MYMX: variants seen among roughly 807,000 people sequenced by gnomAD.
MYMX encodes the protein protein myomixer.
chr6:44,199,358 C>T, the MYMX span, among the ~76,000 whole-genome samples: 6 of 151,066 alleles, frequency 4.0e-5, no homozygotes, highest in Non-Finnish European at 7.4e-5. Context: ...CACTGTGCCC[C>T]CTAATTTTCT....
At chr6:44,216,579 G>A (rs1775875192), upstream of MYMX, among the ~76,000 whole-genome samples, 1 of 148,982 alleles carries the variant, frequency 6.7e-6, no homozygotes, top group African/African-American at 2.5e-5. Context: ...TTGAACCCAG[G>A]AGGCAGAGGT....
At position 44,217,854 on chromosome 6, in the gene MYMX, G is replaced by C; in HGVS notation, c.*128G>C. ...TATAGTGAGGGTTGTGCATGAGAGG[G>C]ATCTGCCACAGACATGCCTCTCCAC... is the stretch of plus-strand genomic sequence containing the variant. On this transcript the variant is annotated 3_prime_UTR_variant, in exon 2 of 2. Transcript: ENST00000573382. 2.5e-6 allele frequency: 1 copy of C among 399,586 alleles called. No homozygotes were observed. Among genetic ancestry groups the C allele is most frequent in the Non-Finnish European group, 4.4e-6 (1 of 226,218 alleles). The allele number at this position is 399,586 out of a possible 1,614,324, so 24.8% of individuals were successfully genotyped here. A position where few individuals can be genotyped will look rare whatever the true frequency, so the allele number is the denominator to read the frequency against.
chr6:44,201,527 C>CA, the MYMX span, among the ~76,000 whole-genome samples: 156 of 152,262 alleles, frequency 1.0e-3, no homozygotes, highest in African/African-American at 3.6e-3. Context: ...GACAACAGGC[C>CA]AGTGAAACAT....
At chr6:44,198,516 T>C in the MYMX span, among the ~76,000 whole-genome samples, 10 of 151,198 alleles carry the variant, frequency 6.6e-5, no homozygotes, top group African/African-American at 2.4e-4. Context: ...TTTATTTACT[T>C]ATTTATTTTT....
the MYMX span, among the ~76,000 whole-genome samples, chr6:44,211,385 G>A: frequency 1.3e-5 from 2 of 152,056 alleles, no homozygotes; most frequent in Non-Finnish European, 2.9e-5. Context: ...AATTTTTGGG[G>A]GGTAAAGGAA....
At chr6:44,195,097 C>A in the MYMX span, among the ~76,000 whole-genome samples, 2 of 152,174 alleles carry the variant, frequency 1.3e-5, no homozygotes, top group East Asian at 3.9e-4. Context: ...CTCATTGCAA[C>A]CTCCTCCGCC....
chr6:44,203,358 A>G, the MYMX span, among the ~76,000 whole-genome samples: 5 of 152,346 alleles, frequency 3.3e-5, no homozygotes, highest in South Asian at 2.1e-4. Context: ...ATCTCCGTCA[A>G]CTTAGCGGTT....
At chr6:44,205,394 C>A in the MYMX span, among the ~76,000 whole-genome samples, 1 of 152,156 alleles carries the variant, frequency 6.6e-6, no homozygotes, top group African/African-American at 2.4e-5. Flanking sequence ...AGCAGTGGTT[C>A]ACATCTATAA....
chr6:44,192,935 G>T, the MYMX span, among the ~76,000 whole-genome samples: 1 of 152,186 alleles, frequency 6.6e-6, no homozygotes, highest in Non-Finnish European at 1.5e-5. Context: ...ACCAATGGCG[G>T]TCCCAGCTAA....
chr6:44,215,580 T>A (rs1437582992), upstream of MYMX, among the ~76,000 whole-genome samples: 2 of 128,366 alleles, frequency 1.6e-5, no homozygotes, highest in Non-Finnish European at 3.3e-5. Flanking sequence ...CTCAAAAAAA[T>A]AATATAAATA....
the MYMX span, among the ~76,000 whole-genome samples, chr6:44,199,980 C>G: frequency 1.3e-5 from 2 of 152,002 alleles, no homozygotes; most frequent in Non-Finnish European, 2.9e-5. Context: ...CCACCGTGCC[C>G]GGTCAGAACT....
chr6:44,212,766 G>A (rs1054578563), upstream of MYMX, among the ~76,000 whole-genome samples: 6 of 149,984 alleles, frequency 4.0e-5, no homozygotes, highest in African/African-American at 2.5e-5. Flanking sequence ...TCTCATGCCC[G>A]TAATCTCATC....
the MYMX span, among the ~76,000 whole-genome samples, chr6:44,207,227 C>T: frequency 6.6e-6 from 1 of 152,060 alleles, no homozygotes; most frequent in African/African-American, 2.4e-5. Context: ...GGTGCGATCT[C>T]CGCTCACTGC....
At chr6:44,199,221 G>T in the MYMX span, among the ~76,000 whole-genome samples, 1 of 152,002 alleles carries the variant, frequency 6.6e-6, no homozygotes, top group Non-Finnish European at 1.5e-5. Context: ...TTAGAGACAG[G>T]ATCTCACTCC....
chr6:44,197,762 GT>G, the MYMX span, among the ~76,000 whole-genome samples: 1 of 151,994 alleles, frequency 6.6e-6, no homozygotes, highest in Non-Finnish European at 1.5e-5. Context: ...ATTATATTAT[GT>G]TTTAATAAAG....
chr6:44,201,294 T>G, the MYMX span, among the ~76,000 whole-genome samples: 1 of 152,194 alleles, frequency 6.6e-6, no homozygotes, highest in African/African-American at 2.4e-5. Flanking sequence ...GTTCCTGGGC[T>G]AGAACTCCGC....
At chr6:44,207,356 G>A in the MYMX span, among the ~76,000 whole-genome samples, 2 of 152,026 alleles carry the variant, frequency 1.3e-5, no homozygotes, top group South Asian at 4.2e-4. Flanking sequence ...AGCCAGGATG[G>A]TCTCGATCTC....
At chr6:44,208,096 C>T in the MYMX span, among the ~76,000 whole-genome samples, 16 of 151,910 alleles carry the variant, frequency 1.1e-4, no homozygotes, top group Middle Eastern at 3.2e-3. Context: ...GGCATGGTGG[C>T]GTATGCCTGT....
At chr6:44,199,456 C>T in the MYMX span, among the ~76,000 whole-genome samples, 1 of 152,208 alleles carries the variant, frequency 6.6e-6, no homozygotes, top group Non-Finnish European at 1.5e-5. Flanking sequence ...CCTCGGCCTC[C>T]CAAAGTGCTG....
Sources: gnomAD v4.1 joint callset for allele counts (sites outside exome capture counted in the v4.1 genomes callset) on GRCh38, gnomAD v4.1.1 for gene constraint, MANE v1.5 for transcripts, NCBI Gene and HGNC (gene_info 2026-07-23, HGNC 2026-07-21) for gene names.